The following CNTN5 variants were observed in gnomAD, a reference collection of about 807,000 sequenced individuals.
CNTN5 encodes the protein contactin 5.
A neutral mutation model predicts 129.1 loss-of-function variants in CNTN5; 77 were observed. The observed-to-expected ratio is 0.60, with a 90% CI of 0.50 to 0.72. The LOEUF is 0.72. CNTN5 is among the 30% of genes least tolerant of loss of function. The probability of loss-of-function intolerance (pLI) is 0.00; values close to 1 mark genes in which losing one functional copy is unlikely to be tolerated. For missense variants in CNTN5, 1,478 were observed against 1,328.8 expected, an observed-to-expected ratio of 1.11 and a Z score of -1.75; for synonymous variants, 509 against 465.6, an observed-to-expected ratio of 1.09 and a Z score of -1.20.
chr11:100,119,980 A>G (rs1233544528), intron 13 of CNTN5, among the ~76,000 whole-genome samples: 1 of 151,984 alleles, frequency 6.6e-6, no homozygotes, highest in African/African-American at 2.4e-5. Flanking sequence ...TATATTTACA[A>G]CTGGGTCATA....
At position 99,974,752 on chromosome 11, in the gene CNTN5, A is replaced by G. The variant is rs549779399; in HGVS notation, c.877+17743A>G. 2.0e-5 allele frequency among the ~76,000 whole-genome samples: 3 copies of G among 152,346 alleles called. No individual in the cohort carries two copies. In the South Asian group the frequency reaches 6.2e-4, roughly 32 times the overall value. On this transcript the variant is annotated intron_variant, in intron 8 of 24. Coordinates refer to ENST00000524871, the MANE Select transcript of CNTN5 (RefSeq NM_014361.4). ...ATCTGTCAAATTATCTATCAAGAGAATGCAGAGACTAATTTTCTTAATAAT... is the reference window on the plus strand; with the variant it reads ...ATCTGTCAAATTATCTATCAAGAGAGTGCAGAGACTAATTTTCTTAATAAT...
At chr11:100,193,249 T>A (rs1270827907) in intron 14 of CNTN5, among the ~76,000 whole-genome samples, 1 of 151,988 alleles carries the variant, frequency 6.6e-6, no homozygotes, top group Non-Finnish European at 1.5e-5. Context: ...TCTTGTCTTT[T>A]TAAAATCCAA....
intron 2 of CNTN5, among the ~76,000 whole-genome samples, chr11:99,505,380 T>G (rs1180176663): frequency 4.6e-5 from 7 of 152,202 alleles, no homozygotes; most frequent in Admixed American, 4.6e-4. Context: ...CTGTCCTGCT[T>G]TGCTGAATAG....
rs35503413 is a variant in CNTN5 at position 100,159,203 on chromosome 11, GA to G, written c.1581-31913del. 1.7e-3 allele frequency among the ~76,000 whole-genome samples: 252 copies of G among 147,476 alleles called. 1 individual carries two copies. The highest frequency in any genetic ancestry group is 5.9e-3 in the African/African-American group (237 of 40,364). ...CTGGTATTGCATAGATTTGTCTTGT[GA>G]AAAAAAAAAGTTAAAATGGTGTGTA... On this transcript the variant is annotated intron_variant, in intron 13 of 24. Coordinates refer to ENST00000524871, the MANE Select transcript of CNTN5 (RefSeq NM_014361.4).
intron 2 of CNTN5, among the ~76,000 whole-genome samples, chr11:99,346,441 C>G (rs1937879086): frequency 6.6e-6 from 1 of 152,188 alleles, no homozygotes; most frequent in South Asian, 2.1e-4. Context: ...GGCCTGGTGG[C>G]CCTTGTGACA....
intron 17 of CNTN5, among the ~76,000 whole-genome samples, chr11:100,261,625 G>T (rs1231189736): frequency 6.6e-6 from 1 of 152,030 alleles, no homozygotes; most frequent in African/African-American, 2.4e-5. Flanking sequence ...GCAGAACAGA[G>T]ACCTCAGAAA....
chr11:99,343,347 A>C (rs970488158), intron 2 of CNTN5, among the ~76,000 whole-genome samples: 1 of 152,222 alleles, frequency 6.6e-6, no homozygotes, highest in African/African-American at 2.4e-5. Context: ...ACTAGCTGTC[A>C]GAAAGGTATT....
chr11:99,692,594 G>C (rs530754006), intron 3 of CNTN5, among the ~76,000 whole-genome samples: 5 of 151,968 alleles, frequency 3.3e-5, no homozygotes, highest in Non-Finnish European at 7.4e-5. Flanking sequence ...TTTCCACTGA[G>C]AGGTCCACTG....
At chr11:99,734,810 A>G (rs1943647637) in intron 3 of CNTN5, among the ~76,000 whole-genome samples, 1 of 151,896 alleles carries the variant, frequency 6.6e-6, no homozygotes, top group African/African-American at 2.4e-5. Flanking sequence ...AGTCTCTTTA[A>G]AAGTTGGGTA....
intron 3 of CNTN5, among the ~76,000 whole-genome samples, chr11:99,700,839 A>G (rs1954486553): frequency 6.6e-6 from 1 of 151,198 alleles, no homozygotes; most frequent in Non-Finnish European, 1.5e-5. Context: ...GGGTGCATGG[A>G]GGATAAGGCT....
At chr11:100,278,324 A>ATT (rs1160532306) in intron 18 of CNTN5, among the ~76,000 whole-genome samples, 1 of 151,968 alleles carries the variant, frequency 6.6e-6, no homozygotes, top group African/African-American at 2.4e-5. Flanking sequence ...AAACTTAAGA[A>ATT]TTGTTTTTTC....
At chr11:99,452,390 T>TTTTTTTG (rs1005509594) in intron 2 of CNTN5, among the ~76,000 whole-genome samples, 3 of 139,846 alleles carry the variant, frequency 2.1e-5, no homozygotes, top group African/African-American at 2.6e-5. Flanking sequence ...TTTTTTTTTT[T>TTTTTTTG]GGGACGGAGT....
intron 1 of CNTN5, among the ~76,000 whole-genome samples, chr11:99,321,363 A>G (rs1219657622): frequency 1.3e-5 from 2 of 149,392 alleles, no homozygotes; most frequent in African/African-American, 2.4e-5. Context: ...TATATATAAC[A>G]TATATATATT....
chr11:100,039,389 G>C (rs1229057049), intron 9 of CNTN5, among the ~76,000 whole-genome samples: 13 of 152,096 alleles, frequency 8.5e-5, no homozygotes, highest in Admixed American at 8.5e-4. Context: ...TTTCTCTCTG[G>C]TTGCCCTTAA....
At chr11:99,206,689 C>G (rs567663424) in intron 1 of CNTN5, among the ~76,000 whole-genome samples, 1 of 152,122 alleles carries the variant, frequency 6.6e-6, no homozygotes, top group Admixed American at 6.5e-5. Flanking sequence ...TGTATTCTAC[C>G]TGGTTTGCAT....
intron 3 of CNTN5, among the ~76,000 whole-genome samples, chr11:99,634,180 A>G (rs1468388388): frequency 6.6e-6 from 1 of 152,166 alleles, no homozygotes; most frequent in Non-Finnish European, 1.5e-5. Context: ...AAAAAGTTGT[A>G]AGGGCTAAAT....
At chr11:99,183,057 A>T (rs1858162373) in intron 1 of CNTN5, among the ~76,000 whole-genome samples, 1 of 151,920 alleles carries the variant, frequency 6.6e-6, no homozygotes, top group African/African-American at 2.4e-5. Context: ...GACTGCTTAG[A>T]CTCCTAGCTG....
chr11:100,043,933 T>A (rs754701360), intron 9 of CNTN5, among the ~76,000 whole-genome samples: 2 of 152,144 alleles, frequency 1.3e-5, no homozygotes, highest in Non-Finnish European at 2.9e-5. Context: ...AGTGCAGTTT[T>A]GTTACATGTA....
At chr11:99,774,920 T>A (rs935510459) in intron 3 of CNTN5, among the ~76,000 whole-genome samples, 1 of 152,098 alleles carries the variant, frequency 6.6e-6, no homozygotes, top group African/African-American at 2.4e-5. Flanking sequence ...TCTTAGTGAT[T>A]TGGCTGCATT....
Sources: allele counts gnomAD v4.1 joint callset (sites outside exome capture counted in the v4.1 genomes callset), GRCh38; gene constraint gnomAD v4.1.1; transcripts MANE v1.5; gene names NCBI Gene and HGNC (gene_info 2026-07-23, HGNC 2026-07-21).